CIITA: variants seen among roughly 807,000 people sequenced by gnomAD.
CIITA encodes the protein MHC class II transactivator.
CIITA carries 72 observed loss-of-function variants against 115.1 expected under a neutral mutation model. The observed-to-expected ratio is 0.63, with a 90% CI of 0.52 to 0.76. The LOEUF (loss-of-function observed/expected upper bound fraction) is 0.76, where lower values mean the gene tolerates loss of function less well. CIITA is among the 30% of genes least tolerant of loss of function. CIITA has a pLI of 0.00. For missense variants in CIITA, 1,617 were observed against 1,463.8 expected (o/e 1.10, Z -1.71); for synonymous variants, 763 against 635.6 (o/e 1.20, Z -3.02).
intron 13 of CIITA, among the ~76,000 whole-genome samples, chr16:10,912,700 A>C (rs1171176210): frequency 6.6e-6 from 1 of 152,236 alleles, no homozygotes; most frequent in African/African-American, 2.4e-5. Context: ...GTCTGAAAAC[A>C]ATAACTGAGG....
rs1237875845 is a variant in CIITA, at chr16:10,901,508, C to A, written c.437-6C>A. 2.5e-6 allele frequency: 4 copies of A among 1,613,994 alleles called. No homozygotes were observed. The Admixed American group carries it at 6.7e-5, about 27-fold the overall frequency. On this transcript the variant is annotated splice_polypyrimidine_tract_variant and splice_region_variant and intron_variant, in intron 5 of 19. Transcript: ENST00000324288. This position sits in a 1 kb window ranked among gnomAD's most constrained non-coding sequence, Gnocchi z 6.8. ...TGGGGCAGCTGATCACATGTTTTCTCTGCAGCCTTCCCAGAGGAGCTTCCG... is the reference window on the plus strand; with the variant it reads ...TGGGGCAGCTGATCACATGTTTTCTATGCAGCCTTCCCAGAGGAGCTTCCG...
intron 1 of CIITA, among the ~76,000 whole-genome samples, chr16:10,869,801 G>A (rs975930137): frequency 6.6e-6 from 1 of 152,068 alleles, no homozygotes; most frequent in African/African-American, 2.4e-5. Flanking sequence ...GAGCCACTGC[G>A]CCTGGCTCCC....
At chr16:10,887,722 T>C in intron 1 of CIITA, among the ~76,000 whole-genome samples, 1 of 152,178 alleles carries the variant, frequency 6.6e-6, no homozygotes, top group East Asian at 1.9e-4. Context: ...CTTGAACTCC[T>C]GACCTCAAGT....
chr16:10,910,344 T>C (rs1366315100), intron 13 of CIITA, 85 bp downstream of exon 13: 13 of 1,137,072 alleles, frequency 1.1e-5, no homozygotes, highest in Admixed American at 1.9e-5. Flanking sequence ...TGAATGGAGA[T>C]AGATCTCCAG....
At chr16:10,867,851 G>A (rs2035199159) in intron 1 of CIITA, among the ~76,000 whole-genome samples, 1 of 152,170 alleles carries the variant, frequency 6.6e-6, no homozygotes. Flanking sequence ...CATTTGCGGT[G>A]CTTAAGTGAT....
chr16:10,881,101 C>T (rs1362014910), intron 1 of CIITA, among the ~76,000 whole-genome samples: 2 of 151,870 alleles, frequency 1.3e-5, no homozygotes, highest in Non-Finnish European at 2.9e-5. Context: ...TGGAGAAACC[C>T]CAACTCTACT....
At position 10,889,053 on chromosome 16, in the gene CIITA, A is replaced by G. The variant is rs375675860; in HGVS notation, c.53-6229A>G. 3.9e-5 allele frequency among the ~76,000 whole-genome samples: 6 copies of G among 152,306 alleles called. No individual in the cohort carries two copies. In the South Asian group the frequency reaches 6.2e-4, roughly 16 times the overall value. ...ACACTGTGAATTCTAGTTCTATATC[A>G]TTGCCACGGATGAAGAGAGGCTGCC... is the stretch of plus-strand genomic sequence containing the variant. On this transcript the variant is annotated intron_variant, in intron 1 of 19. Transcript: ENST00000324288.
intron 1 of CIITA, among the ~76,000 whole-genome samples, chr16:10,869,063 T>C (rs1207730072): frequency 2.0e-5 from 3 of 152,230 alleles, no homozygotes; most frequent in Non-Finnish European, 1.5e-5. Flanking sequence ...TTCATTTTGA[T>C]GGGGGTTCGG....
chr16:10,894,486 T>C (rs150111610), intron 1 of CIITA, among the ~76,000 whole-genome samples: 1 of 152,368 alleles, frequency 6.6e-6, no homozygotes, highest in African/African-American at 2.4e-5. Context: ...TATTAATACA[T>C]AATATGATAC....
intron 1 of CIITA, among the ~76,000 whole-genome samples, chr16:10,894,139 A>G (rs539024563): frequency 2.7e-4 from 41 of 152,304 alleles, no homozygotes; most frequent in Non-Finnish European, 4.3e-4. Flanking sequence ...GGCATGAGCC[A>G]CCACGCCCCA....
chr16:10,880,370 G>A (rs1458021400), intron 1 of CIITA, among the ~76,000 whole-genome samples: 1 of 152,192 alleles, frequency 6.6e-6, no homozygotes, highest in Non-Finnish European at 1.5e-5. Flanking sequence ...TCGTTTGTGG[G>A]GCAAAAGTCC....
At position 10,927,951 on chromosome 16, in the gene CIITA, C is replaced by G. The variant is rs2040601974; in HGVS notation, c.*4096C>G. 6.6e-6 allele frequency: 1 copy of G among 152,210 alleles called. No individual in the cohort carries two copies. The highest frequency in any genetic ancestry group is 1.5e-5 in the Non-Finnish European group (1 of 68,046). The allele number at this position is 152,210 out of a possible 1,614,324, so 9.4% of individuals were successfully genotyped here. A position where few individuals can be genotyped will look rare whatever the true frequency, so the allele number is the denominator to read the frequency against. ...TTCCATGTCCAGTGGATTGTAAGTC[C>G]ACGCACCTTCCAAATGGTCACTCTT... On this transcript the variant is annotated 3_prime_UTR_variant, in exon 20 of 20. Coordinates refer to ENST00000324288, the MANE Select transcript of CIITA (RefSeq NM_000246.4).
rs749994940 is a variant in CIITA at position 10,906,806 on chromosome 16, T to C, written c.1314T>C (p.Ala438=). The part of the protein sequence containing the change: ...YWAGAVSRAW[A]CGRLPQYDFV... ...CTGGGGCAGTGAGCCGGGCCTGGGC[T>C]TGTGGCCGGCTTCCCCAGTACGACT... Residue 438 remains alanine (A), a synonymous_variant, in exon 11 of 20, where the codon GCT becomes GCC. Coordinates refer to ENST00000324288, the MANE Select transcript of CIITA (RefSeq NM_000246.4). 1.2e-5 allele frequency: 19 copies of C among 1,612,460 alleles called. No individual in the cohort carries two copies. The East Asian group carries it at 3.8e-4, about 32-fold the overall frequency.
upstream of CIITA, among the ~76,000 whole-genome samples, chr16:10,872,237 C>T (rs994403969): frequency 3.9e-5 from 6 of 152,108 alleles, no homozygotes; most frequent in African/African-American, 1.4e-4. Flanking sequence ...ATTCTCCTGC[C>T]TCAGCCTCCC....
intron 8 of CIITA, among the ~76,000 whole-genome samples, chr16:10,903,335 G>A (rs372712383): frequency 6.6e-6 from 1 of 152,198 alleles, no homozygotes; most frequent in African/African-American, 2.4e-5. Flanking sequence ...GAGACCAGGA[G>A]GATGCTTCCA....
chr16:10,942,071 G>A lies in CIITA; in HGVS notation n.1197G>A. The A allele has an allele frequency of 1.6e-6, 2 of 1,285,754 alleles. No homozygotes were observed. Among genetic ancestry groups the A allele is most frequent in the Non-Finnish European group, 2.0e-6 (2 of 1,004,638 alleles). 79.6% of individuals were successfully genotyped at this position (1,285,754 alleles called of 1,614,324 possible). ...ACTCAGCCGCTGCGGCGCCCGGGCG[G>A]CCGGCGAGGGCACAGCGCAGCCATC... On this transcript the variant is annotated non_coding_transcript_exon_variant, in exon 2 of 2. Coordinates refer to the CIITA transcript ENST00000573379. The surrounding 1 kb of genome is among the most constrained non-coding windows in gnomAD (Gnocchi z 5.0).
upstream of CIITA, among the ~76,000 whole-genome samples, chr16:10,876,013 A>G (rs984685784): frequency 2.8e-4 from 43 of 152,240 alleles, no homozygotes; most frequent in African/African-American, 1.0e-3. Flanking sequence ...AGCTGGACAT[A>G]GTGGCAGGTG....
intron 16 of CIITA, among the ~76,000 whole-genome samples, chr16:10,918,733 G>T (rs536965856): frequency 2.0e-4 from 31 of 152,328 alleles, no homozygotes; most frequent in Middle Eastern, 3.4e-3. Context: ...CTGGAAAATG[G>T]GAACCATCCT....
At chr16:10,887,439 A>G (rs908706377) in intron 1 of CIITA, among the ~76,000 whole-genome samples, 1 of 152,060 alleles carries the variant, frequency 6.6e-6, no homozygotes, top group Non-Finnish European at 1.5e-5. Flanking sequence ...AGGTCTTCCC[A>G]TTATTCCTCA....
Sources: allele counts gnomAD v4.1 joint callset (sites outside exome capture counted in the v4.1 genomes callset), GRCh38; gene constraint gnomAD v4.1.1; non-coding constraint Gnocchi (gnomAD v3.1); transcripts MANE v1.5; gene names NCBI Gene and HGNC (gene_info 2026-07-23, HGNC 2026-07-21).